Variants in VWA5B1 observed in about 807,000 individuals in gnomAD.
VWA5B1 encodes the protein von Willebrand factor A domain containing 5B1, also known as von Willebrand factor A domain-containing protein 5B1.
A neutral mutation model predicts 118.2 loss-of-function variants in VWA5B1; 115 were observed. That is an observed-to-expected ratio of 0.97 (90% CI 0.84 to 1.14). VWA5B1 has a LOEUF of 1.14. Among genes scored for constraint, VWA5B1 ranks in the 50% most tolerant of loss-of-function variants. VWA5B1 has a pLI of 0.00. For missense variants in VWA5B1, 1,596 were observed against 1,603.8 expected (o/e 1.00, Z 0.08); for synonymous variants, 682 against 658.4 (o/e 1.04, Z -0.55).
In VWA5B1 at chr1:20,323,425, C is replaced by T; in HGVS notation, c.1036C>T (p.Pro346Ser). The T allele has an allele frequency of 3.3e-6, 5 of 1,536,114 alleles. No individual in the cohort carries two copies. The highest frequency in any genetic ancestry group is 2.5e-5 in the East Asian group (1 of 39,546). ...HHSVIMLNFC[P>S]DLQSVQPCLR... ...CTCCGTCATCATGCTCAACTTCTGTCCCGACCTCCAGTCAGTCCAGCCGTG... is the reference window on the plus strand; with the variant it reads ...CTCCGTCATCATGCTCAACTTCTGTTCCGACCTCCAGTCAGTCCAGCCGTG... Residue 346 changes from proline to serine, a missense_variant, in exon 8 of 22, where the codon CCC (proline) becomes TCC (serine). Pro to Ser is a moderately conservative substitution (Grantham distance 74). Coordinates refer to ENST00000289815, the MANE Select transcript of VWA5B1 (RefSeq NM_001039500.3).
In VWA5B1 at chr1:20,314,558, A is replaced by C; in HGVS notation, c.529A>C (p.Lys177Gln). The change falls in exon 4 of 22, where the codon AAG (lysine) becomes CAG (glutamine). Residue 177 changes from lysine to glutamine, a missense_variant. Lys to Gln is a moderately conservative substitution (Grantham distance 53, BLOSUM62 1). Coordinates refer to ENST00000289815, the MANE Select transcript of VWA5B1 (RefSeq NM_001039500.3). ...CAPTVPQFCT[K>Q]STGTSNQQAQ... ...CCCAACCGTGCCCCAGTTCTGCACC[A>C]AGAGCACTGGCACCTCCAACCAACA... 3 of 1,551,646 alleles carry C rather than the reference A, an allele frequency of 1.9e-6. No homozygotes were observed. The highest frequency in any genetic ancestry group is 2.6e-6 in the Non-Finnish European group (3 of 1,147,010).
chr1:20,317,407 G>T, intron 4 of VWA5B1, 123 bp from the exon 5 acceptor site: 1 of 1,349,290 alleles, frequency 7.4e-7, no homozygotes, highest in Non-Finnish European at 9.9e-7. Context: ...GGAGAGCACG[G>T]GTCTGGGGGC....
rs572055026 is a variant in VWA5B1 at position 20,314,418 on chromosome 1, C to G, written c.389C>G (p.Ala130Gly). ...DEDLERILFV[A>G]NLGTIAPMEN... is the part of the protein sequence containing the mutation. ...GATTTGGAGCGGATCCTGTTCGTGG[C>G]CAACCTGGGGACCATTGCCCCCATG... The change falls in exon 4 of 22, where the codon GCC becomes GGC. Residue 130 changes from alanine to glycine, a missense_variant. By Grantham distance (60) the Ala-to-Gly change is moderately conservative (BLOSUM62 0). Coordinates refer to ENST00000289815, the MANE Select transcript of VWA5B1 (RefSeq NM_001039500.3). 7.7e-6 allele frequency: 12 copies of G among 1,551,950 alleles called. No homozygotes were observed. The South Asian group carries it at 1.3e-4, about 17-fold the overall frequency.
At chr1:20,321,892 A>AG (rs1319915526) in intron 7 of VWA5B1, among the ~76,000 whole-genome samples, 2 of 152,218 alleles carry the variant, frequency 1.3e-5, no homozygotes, top group Admixed American at 1.3e-4. Context: ...GTCAAGCCAC[A>AG]GGGGGCTTCC....
intron 1 of VWA5B1, among the ~76,000 whole-genome samples, chr1:20,301,679 G>T (rs980083574): frequency 6.6e-6 from 1 of 152,250 alleles, no homozygotes; most frequent in African/African-American, 2.4e-5. Flanking sequence ...GAAGCGGTGT[G>T]CTGGAGACAG....
rs1264273574 is a variant in VWA5B1, at chr1:20,312,895, G to GCCGA, written c.203_206dup (p.Val70ProfsTer136). The GCCGA allele has an allele frequency of 1.3e-6, 2 of 1,551,662 alleles. No individual in the cohort carries two copies. Among genetic ancestry groups the GCCGA allele is most frequent in the South Asian group, 2.4e-5 (2 of 84,046 alleles). On this transcript the variant is annotated frameshift_variant, in exon 3 of 22. Transcript: ENST00000289815. LOFTEE classifies it high-confidence loss of function. Reference sequence around the variant, plus strand: ...GGTGATCGGCTTTGAGGCAGTCATTGCCGACCGTGTCGTGACAGTACAGAT... The same window carrying GCCGA: ...GGTGATCGGCTTTGAGGCAGTCATTGCCGACCGACCGTGTCGTGACAGTACAGAT...
At chr1:20,314,738 C>G (rs2088953812) in intron 4 of VWA5B1, 146 bp downstream of exon 4, 2 of 1,393,878 alleles carry the variant, frequency 1.4e-6, no homozygotes, top group East Asian at 5.0e-5. Context: ...GAGCCATTTG[C>G]TTCTCCCCTG....
chr1:20,312,538 T>G (rs1040803614), intron 2 of VWA5B1, among the ~76,000 whole-genome samples: 1 of 152,178 alleles, frequency 6.6e-6, no homozygotes, highest in Non-Finnish European at 1.5e-5. Flanking sequence ...AGATGTGCTA[T>G]ATGAGGCCCA....
intron 18 of VWA5B1, among the ~76,000 whole-genome samples, chr1:20,349,731 CTTTT>C (rs35309990): frequency 1.8e-5 from 2 of 111,800 alleles, no homozygotes; most frequent in Non-Finnish European, 1.8e-5. Flanking sequence ...ACATTCCTGA[CTTTT>C]TTTTTTTTTT....
intron 21 of VWA5B1, 128 bp from the exon 22 acceptor site, chr1:20,353,629 C>T (rs768171783): frequency 2.9e-4 from 357 of 1,250,856 alleles, no homozygotes; most frequent in Non-Finnish European, 3.6e-4. Flanking sequence ...CTCAATTGAC[C>T]TGGGTATCCT....
rs1415523954 is a variant in VWA5B1, at chr1:20,330,308, C to A, written c.1383C>A (p.Phe461Leu). The A allele has an allele frequency of 2.6e-6, 4 of 1,551,664 alleles. No individual in the cohort carries two copies. The highest frequency in any genetic ancestry group is 1.4e-5 in the African/African-American group (1 of 73,052). ...ACCGAGGCCACCCGCGGCTCCTCTTCGTGATCACAGATGGCGCTGTCAACA... is the reference window on the plus strand; with the variant it reads ...ACCGAGGCCACCCGCGGCTCCTCTTAGTGATCACAGATGGCGCTGTCAACA... ...PVHRGHPRLL[F>L]VITDGAVNNT... Residue 461 changes from phenylalanine (F) to leucine (L), a missense_variant, in exon 10 of 22, where the codon TTC becomes TTA. Transcript: ENST00000289815.
intron 1 of VWA5B1, among the ~76,000 whole-genome samples, chr1:20,306,083 G>C (rs919296043): frequency 6.6e-6 from 1 of 152,080 alleles, no homozygotes; most frequent in African/African-American, 2.4e-5. Context: ...AGCAATAAAT[G>C]CAATGTTTTC....
Position 20,353,867 on chromosome 1 carries a change from AGT to A in VWA5B1, c.3255_3256del (p.Ser1086ProfsTer7). On this transcript the variant is annotated frameshift_variant, in exon 22 of 22. Coordinates refer to ENST00000289815, the MANE Select transcript of VWA5B1 (RefSeq NM_001039500.3). LOFTEE classifies it low-confidence loss of function (END_TRUNC). ...KWTSPFTCHRVSLTTRPSESK... is the reference protein window; with the variant it reads ...KWTSPFTCHRXSLTTRPSESK... ...GGACGTCCCCCTTCACCTGCCATCG[AGT>A]GTCCCTCACCACCCGCCCGTCTGAG... 6.5e-7 allele frequency: 1 copy of A among 1,543,504 alleles called. No individual in the cohort carries two copies. The highest frequency in any genetic ancestry group is 8.8e-7 in the Non-Finnish European group (1 of 1,142,690).
At chr1:20,317,195 C>T (rs894819120) in intron 4 of VWA5B1, among the ~76,000 whole-genome samples, 7 of 151,050 alleles carry the variant, frequency 4.6e-5, no homozygotes, top group African/African-American at 1.7e-4. Flanking sequence ...GGAACTTGTG[C>T]CAGTTACCTC....
At position 20,318,726 on chromosome 1, in the gene VWA5B1, G is replaced by A. The variant is rs377436394; in HGVS notation, c.841+5G>A. ...AGATCCTCATCCACCCCAGCGGTAC[G>A]GTGCCCCACAACGGGCCCCTGGGCT... On this transcript the variant is annotated splice_donor_5th_base_variant and intron_variant, in intron 6 of 21. Transcript: ENST00000289815. The A allele has an allele frequency of 1.4e-4, 214 of 1,482,586 alleles. 1 individual carries two copies. The African/African-American group carries it at 2.4e-3, about 16-fold the overall frequency. The allele number at this position is 1,482,586 out of a possible 1,614,324, so 91.8% of individuals were successfully genotyped here. A position where few individuals can be genotyped will look rare whatever the true frequency, so the allele number is the denominator to read the frequency against.
rs868211806 is a variant in VWA5B1 at position 20,317,599 on chromosome 1, G to T, written c.633G>T (p.Leu211=). The T allele has an allele frequency of 2.1e-5, 32 of 1,551,768 alleles. No individual in the cohort carries two copies. The highest frequency in any genetic ancestry group is 2.4e-5 in the Non-Finnish European group (27 of 1,147,052). ...SWNKLCLATL[L]NTEVSNPMEY... ...ATAAGTTGTGCCTGGCGACTCTCCT[G>T]AACACCGAAGTGTCCAACCCCATGG... The change falls in exon 5 of 22, where the codon CTG becomes CTT. Residue 211 remains leucine (L), a synonymous_variant. Coordinates refer to ENST00000289815, the MANE Select transcript of VWA5B1 (RefSeq NM_001039500.3).
In VWA5B1 at chr1:20,342,484, C is replaced by T. The variant is rs777449498; in HGVS notation, c.2186C>T (p.Pro729Leu). ...AACCAGGGCCCCAAACTCCGTGGCC[C>T]AGGGGCCCGAAGGCCCTCTCTGCTG... ...DLNQGPKLRG[P>L]GARRPSLLPQ... Residue 729 changes from proline to leucine, a missense_variant, in exon 15 of 22, where the codon CCA becomes CTA. Coordinates refer to ENST00000289815, the MANE Select transcript of VWA5B1 (RefSeq NM_001039500.3). The T allele has an allele frequency of 3.5e-5, 55 of 1,551,218 alleles. No homozygotes were observed. Among genetic ancestry groups the T allele is most frequent in the Non-Finnish European group, 4.3e-5 (49 of 1,146,942 alleles).
At chr1:20,301,674 G>A (rs971462108) in intron 1 of VWA5B1, among the ~76,000 whole-genome samples, 2 of 152,358 alleles carry the variant, frequency 1.3e-5, no homozygotes, top group East Asian at 1.9e-4. Flanking sequence ...CACGGGAAGC[G>A]GTGTGCTGGA....
intron 1 of VWA5B1, among the ~76,000 whole-genome samples, chr1:20,305,870 G>C (rs1449277121): frequency 6.6e-6 from 1 of 152,118 alleles, no homozygotes; most frequent in Non-Finnish European, 1.5e-5. Context: ...CTCATGGCCA[G>C]AGGATATCTC....
Sources: allele counts gnomAD v4.1 joint callset (sites outside exome capture counted in the v4.1 genomes callset), GRCh38; gene constraint gnomAD v4.1.1; transcripts MANE v1.5; gene names NCBI Gene and HGNC (gene_info 2026-07-23, HGNC 2026-07-21).